The following ATP10B variants were observed in gnomAD, a reference collection of about 807,000 sequenced individuals.
ATP10B encodes the protein ATPase phospholipid transporting 10B (putative).
ATP10B carries 122 observed loss-of-function variants against 141.2 expected under a neutral mutation model. The observed-to-expected ratio is 0.86, with a 90% CI of 0.75 to 1.00. The LOEUF (loss-of-function observed/expected upper bound fraction) is 1.00. ATP10B is among the 50% of genes least tolerant of loss of function. The pLI, the probability that ATP10B is intolerant of heterozygous loss-of-function variation, is 0.00. For missense variants in ATP10B, 1,876 were observed against 1,825.3 expected (o/e 1.03, Z -0.51); for synonymous variants, 685 against 692.0 (o/e 0.99, Z 0.16).
At position 160,565,642 on chromosome 5, in the gene ATP10B, G is replaced by A. The variant is rs763853398; in HGVS notation, c.4197C>T (p.His1399=). 20 of 1,613,982 alleles carry A rather than the reference G, an allele frequency of 1.2e-5. No individual in the cohort carries two copies. Among genetic ancestry groups the A allele is most frequent in the African/African-American group, 2.7e-5 (2 of 74,924 alleles). ...TGCACTCCGTGCCACATCTCTGTTC[G>A]TGGAGTACTGACTCTTCCACATGCT... The part of the protein sequence containing the change: ...KRKHVEESVL[H]EQRCGTECMR... The change falls in exon 26 of 26, where the codon CAC becomes CAT. Residue 1399 remains histidine (H), a synonymous_variant. Transcript: ENST00000327245.
At chr5:160,913,497 C>T in the ATP10B span, among the ~76,000 whole-genome samples, 2 of 152,134 alleles carry the variant, frequency 1.3e-5, no homozygotes, top group South Asian at 4.1e-4. Flanking sequence ...CTAGTATTTG[C>T]ATTTACAAGT....
At chr5:160,661,898 C>A (rs906051733) in intron 7 of ATP10B, among the ~76,000 whole-genome samples, 2 of 152,072 alleles carry the variant, frequency 1.3e-5, no homozygotes, top group Non-Finnish European at 1.5e-5. Flanking sequence ...TCTAGAAAGC[C>A]CCATCGTCTC....
intron 2 of ATP10B, among the ~76,000 whole-genome samples, chr5:160,718,803 C>T (rs1765804671): frequency 6.6e-6 from 1 of 152,152 alleles, no homozygotes; most frequent in Non-Finnish European, 1.5e-5. Flanking sequence ...CATCAGACCC[C>T]ACCTCCCATA....
chr5:160,818,548 G>C (rs1285759279), intron 1 of ATP10B, among the ~76,000 whole-genome samples: 2 of 152,208 alleles, frequency 1.3e-5, no homozygotes, highest in South Asian at 2.1e-4. Flanking sequence ...TACACTGTTG[G>C]TGGGACTGTA....
chr5:160,809,507 C>T (rs1773006413), intron 1 of ATP10B, among the ~76,000 whole-genome samples: 1 of 152,132 alleles, frequency 6.6e-6, no homozygotes, highest in Middle Eastern at 3.2e-3. Context: ...TCAGCATATC[C>T]ATCATCTCAA....
At chr5:160,681,824 T>G (rs1179056574) in intron 6 of ATP10B, among the ~76,000 whole-genome samples, 1 of 152,190 alleles carries the variant, frequency 6.6e-6, no homozygotes, top group Non-Finnish European at 1.5e-5. Flanking sequence ...TCAGGTTATT[T>G]CAAATAAAAA....
the ATP10B span, among the ~76,000 whole-genome samples, chr5:160,870,486 A>C: frequency 6.6e-6 from 1 of 152,104 alleles, no homozygotes; most frequent in East Asian, 1.9e-4. Flanking sequence ...AGAATCTCTG[A>C]GCTTGAAAAC....
At chr5:160,651,270 T>A (rs73818277) in intron 7 of ATP10B, among the ~76,000 whole-genome samples, 3,411 of 152,232 alleles carry the variant, frequency 0.022, 122 homozygotes, top group African/African-American at 0.078. Flanking sequence ...CCTTACTTAC[T>A]CAGCACATTG....
At chr5:160,869,226 C>T in the ATP10B span, among the ~76,000 whole-genome samples, 16,997 of 152,028 alleles carry the variant, frequency 0.11, 1,157 homozygotes, top group East Asian at 0.18. Context: ...GCTATTATTA[C>T]CACACTCTGC....
At chr5:160,708,966 C>T (rs142263297) in intron 3 of ATP10B, among the ~76,000 whole-genome samples, 69 of 152,270 alleles carry the variant, frequency 4.5e-4, no homozygotes, top group Admixed American at 7.2e-4. Context: ...AGGCAACAGA[C>T]CCGTGTAGAT....
At chr5:160,772,083 G>A (rs1201062863) in intron 2 of ATP10B, among the ~76,000 whole-genome samples, 1 of 152,222 alleles carries the variant, frequency 6.6e-6, no homozygotes, top group African/African-American at 2.4e-5. Flanking sequence ...TGCAGTGAAC[G>A]TGAGAGCAGA....
the ATP10B span, among the ~76,000 whole-genome samples, chr5:160,926,606 TGAA>T: frequency 1.3e-5 from 2 of 152,212 alleles, no homozygotes; most frequent in South Asian, 4.1e-4. Context: ...CCCATTACAA[TGAA>T]GAAGACGTAA....
chr5:160,770,912 T>A (rs1448209460), intron 2 of ATP10B, among the ~76,000 whole-genome samples: 1 of 152,178 alleles, frequency 6.6e-6, no homozygotes, highest in Non-Finnish European at 1.5e-5. Context: ...GCGTAGGTAT[T>A]TGCATACTCA....
At chr5:160,873,191 T>C in the ATP10B span, among the ~76,000 whole-genome samples, 1 of 152,140 alleles carries the variant, frequency 6.6e-6, no homozygotes, top group African/African-American at 2.4e-5. Flanking sequence ...TCTCTTGTTT[T>C]GGTTTCATAT....
chr5:160,896,039 C>G, the ATP10B span, among the ~76,000 whole-genome samples: 1 of 152,066 alleles, frequency 6.6e-6, no homozygotes, highest in Non-Finnish European at 1.5e-5. Flanking sequence ...TGGGACACAG[C>G]TAAAGCAGTG....
intron 22 of ATP10B, among the ~76,000 whole-genome samples, chr5:160,593,289 C>T (rs1182430835): frequency 1.3e-5 from 2 of 152,200 alleles, no homozygotes; most frequent in Non-Finnish European, 2.9e-5. Context: ...GCCACTGCTG[C>T]TGTTACCCAG....
chr5:160,715,072 G>C (rs1765521599), intron 3 of ATP10B, among the ~76,000 whole-genome samples: 1 of 143,778 alleles, frequency 7.0e-6, no homozygotes, highest in African/African-American at 2.6e-5. Flanking sequence ...CTTTTTGTTT[G>C]TCTGTGCCCT....
intron 12 of ATP10B, chr5:160,634,093 G>A (rs1561673514): frequency 3.5e-6 from 2 of 577,094 alleles, no homozygotes; most frequent in East Asian, 6.5e-5. Context: ...AAAGTGCTTT[G>A]TCTGGCACCA....
At chr5:160,819,417 A>G (rs558999229) in intron 1 of ATP10B, among the ~76,000 whole-genome samples, 12 of 152,338 alleles carry the variant, frequency 7.9e-5, no homozygotes, top group Admixed American at 2.0e-4. Flanking sequence ...CTATCCTACA[A>G]GAAGTATTAA....
Sources: gnomAD v4.1 joint callset for allele counts (sites outside exome capture counted in the v4.1 genomes callset) on GRCh38, gnomAD v4.1.1 for gene constraint, MANE v1.5 for transcripts, NCBI Gene and HGNC (gene_info 2026-07-23, HGNC 2026-07-21) for gene names.